The following CLPSL1 variants were observed in gnomAD, a reference collection of about 807,000 sequenced individuals.
CLPSL1 encodes the protein colipase-like protein 1.
A neutral mutation model predicts 9.3 loss-of-function variants in CLPSL1; 13 were observed. The observed-to-expected ratio is 1.40, with a 90% confidence interval of 0.91 to 2.22. The LOEUF (loss-of-function observed/expected upper bound fraction) is 2.22. Among genes scored for constraint, CLPSL1 ranks in the 30% most tolerant of loss-of-function variants. CLPSL1 has a pLI of 0.00. For missense variants in CLPSL1, 164 were observed against 146.6 expected (o/e 1.12, Z -0.61); for synonymous variants, 58 against 56.9 (o/e 1.02, Z -0.08).
At chr6:35,787,600 G>C (rs1182320613) in intron 2 of CLPSL1, among the ~76,000 whole-genome samples, 1 of 152,268 alleles carries the variant, frequency 6.6e-6, no homozygotes, top group African/African-American at 2.4e-5. Flanking sequence ...GAGGTCCTGC[G>C]ATGGTGTGTC....
At chr6:35,791,579 G>T (rs1424814067), downstream of CLPSL1, among the ~76,000 whole-genome samples, 1 of 151,778 alleles carries the variant, frequency 6.6e-6, no homozygotes, top group African/African-American at 2.4e-5. Context: ...TTGCATTCCG[G>T]CCTGGGTGAC....
Position 35,781,492 on chromosome 6 carries a change from A to G in CLPSL1, c.99+283A>G, listed in dbSNP as rs540022285. ...AGACAGATATTCACTCATGCAACAC[A>G]TTTTTATTGAGCACCTACTATATGT... is the stretch of plus-strand genomic sequence containing the variant. On this transcript the variant is annotated intron_variant, in intron 1 of 2. Coordinates refer to ENST00000373861, the MANE Select transcript of CLPSL1 (RefSeq NM_001010886.5). Among the ~76,000 whole-genome samples, 26 of 152,242 alleles carry G rather than the reference A, an allele frequency of 1.7e-4. No individual in the cohort carries two copies. The South Asian group carries it at 4.6e-3, about 27-fold the overall frequency.
At chr6:35,783,963 A>G (rs1349062126) in intron 1 of CLPSL1, among the ~76,000 whole-genome samples, 1 of 152,180 alleles carries the variant, frequency 6.6e-6, no homozygotes, top group African/African-American at 2.4e-5. Context: ...TATCTGAGAC[A>G]GGTCTCAGTC....
chr6:35,781,951 C>A (rs569481896), intron 1 of CLPSL1, among the ~76,000 whole-genome samples: 1 of 151,948 alleles, frequency 6.6e-6, no homozygotes, highest in Non-Finnish European at 1.5e-5. Context: ...AGGGTTTCAC[C>A]GTATTGGTCA....
At chr6:35,791,333 G>A (rs557434552), downstream of CLPSL1, among the ~76,000 whole-genome samples, 6 of 152,358 alleles carry the variant, frequency 3.9e-5, no homozygotes, top group Non-Finnish European at 7.3e-5. Context: ...TTAATAGGCC[G>A]GGCACGGGGG....
intron 2 of CLPSL1, among the ~76,000 whole-genome samples, 156 bp downstream of exon 2, chr6:35,787,276 G>C (rs1448310990): frequency 6.6e-6 from 1 of 152,280 alleles, no homozygotes; most frequent in Non-Finnish European, 1.5e-5. Flanking sequence ...CCTTCTGGGG[G>C]AGCCTGTGGA....
At chr6:35,786,351 A>G (rs1561940753) in intron 1 of CLPSL1, among the ~76,000 whole-genome samples, 1 of 152,346 alleles carries the variant, frequency 6.6e-6, no homozygotes, top group East Asian at 1.9e-4. Flanking sequence ...CTGGGCAGAA[A>G]AAGCACATTT....
At chr6:35,786,956 G>T in intron 1 of CLPSL1, 42 bp from the exon 2 acceptor site, 1 of 1,549,966 alleles carries the variant, frequency 6.5e-7, no homozygotes, top group East Asian at 2.4e-5. Flanking sequence ...GAGGGCGGAA[G>T]GCGGGCGGTG....
chr6:35,791,730 A>C (rs1768214253), downstream of CLPSL1, among the ~76,000 whole-genome samples: 1 of 152,210 alleles, frequency 6.6e-6, no homozygotes, highest in Non-Finnish European at 1.5e-5. Context: ...TAGGAGTTTA[A>C]GACCAGTGTG....
chr6:35,786,336 T>G (rs1768073018), intron 1 of CLPSL1, among the ~76,000 whole-genome samples: 1 of 152,200 alleles, frequency 6.6e-6, no homozygotes, highest in Non-Finnish European at 1.5e-5. Flanking sequence ...CTAGTGGCTA[T>G]TGGACTGGGC....
chr6:35,788,942 G>A (rs559385614), downstream of CLPSL1, among the ~76,000 whole-genome samples: 1 of 152,372 alleles, frequency 6.6e-6, no homozygotes, highest in South Asian at 2.1e-4. Context: ...CCAGAACTGA[G>A]CCAAACATGC....
downstream of CLPSL1, among the ~76,000 whole-genome samples, chr6:35,790,123 G>A (rs1424580803): frequency 6.6e-6 from 1 of 152,078 alleles, no homozygotes; most frequent in Non-Finnish European, 1.5e-5. Flanking sequence ...GATGGGGAGG[G>A]GGAGATCTCA....
intron 1 of CLPSL1, among the ~76,000 whole-genome samples, chr6:35,783,697 A>G (rs1479976620): frequency 6.6e-6 from 1 of 151,286 alleles, no homozygotes; most frequent in Non-Finnish European, 1.5e-5. Flanking sequence ...AATCCCAGCT[A>G]CTCAGGAGGC....
intron 1 of CLPSL1, among the ~76,000 whole-genome samples, chr6:35,784,074 G>C (rs1768022760): frequency 6.6e-6 from 1 of 151,814 alleles, no homozygotes; most frequent in African/African-American, 2.4e-5. Flanking sequence ...TGTTTTTTGG[G>C]GTATAGCTTG....
Position 35,788,053 on chromosome 6 carries a change from C to G in CLPSL1, c.*43C>G, listed in dbSNP as rs756967714. 6.9e-7 allele frequency: 1 copy of G among 1,458,904 alleles called. No individual in the cohort carries two copies. The highest frequency in any genetic ancestry group is 9.6e-7 in the Non-Finnish European group (1 of 1,041,032). The allele number at this position is 1,458,904 out of a possible 1,614,324, so 90.4% of individuals were successfully genotyped here. A position where few individuals can be genotyped will look rare whatever the true frequency, so the allele number is the denominator to read the frequency against. On this transcript the variant is annotated 3_prime_UTR_variant, in exon 3 of 3. Coordinates refer to ENST00000373861, the MANE Select transcript of CLPSL1 (RefSeq NM_001010886.5). ...TGCCTCCTCCTCCTCCACCTGCTCT[C>G]CTCCCTACCCAGAGCTCTGTGTTCA...
intron 1 of CLPSL1, 93 bp downstream of exon 1, chr6:35,781,302 G>A: frequency 6.6e-7 from 1 of 1,505,898 alleles, no homozygotes; most frequent in Non-Finnish European, 8.9e-7. Context: ...GCTAGTGTGG[G>A]AGAAGGCCAG....
intron 1 of CLPSL1, chr6:35,793,445 G>C (rs1019672711): frequency 6.7e-5 from 28 of 414,834 alleles, no homozygotes; most frequent in African/African-American, 5.5e-4. Context: ...AAAAAAAAGG[G>C]TATGCAAGAA....
At chr6:35,790,691 A>G (rs116279820), downstream of CLPSL1, among the ~76,000 whole-genome samples, 1,952 of 152,274 alleles carry the variant, frequency 0.013, 44 homozygotes, top group African/African-American at 0.045. Context: ...CTGACTGTTT[A>G]GGTGTGGTGC....
intron 1 of CLPSL1, among the ~76,000 whole-genome samples, chr6:35,783,725 G>A (rs977909656): frequency 3.3e-5 from 5 of 150,338 alleles, no homozygotes; most frequent in African/African-American, 4.9e-5. Context: ...GGAGAATGGC[G>A]TGAACCTGGG....
Sources: allele counts gnomAD v4.1 joint callset (sites outside exome capture counted in the v4.1 genomes callset), GRCh38; gene constraint gnomAD v4.1.1; transcripts MANE v1.5; gene names NCBI Gene and HGNC (gene_info 2026-07-23, HGNC 2026-07-21).